Variants in COLEC12 observed in about 807,000 individuals in gnomAD.
The protein encoded by COLEC12 is collectin-12.
COLEC12 carries 33 observed loss-of-function variants against 71.1 expected under a neutral mutation model. The ratio of observed to expected loss-of-function variants is 0.46; its 90% confidence interval spans 0.35 to 0.62. The LOEUF is 0.62. COLEC12 is among the 20% of genes least tolerant of loss of function. The probability of loss-of-function intolerance (pLI) is 0.00; values close to 1 mark genes in which losing one functional copy is unlikely to be tolerated. For missense variants in COLEC12, 765 were observed against 916.1 expected (o/e 0.84, Z 2.13); for synonymous variants, 350 against 353.0 (o/e 0.99, Z 0.10).
At position 500,662 on chromosome 18, in the gene COLEC12, C is replaced by CCGG. The variant is rs1435241207; in HGVS notation, c.-151_-149dup. On this transcript the variant is annotated 5_prime_UTR_variant, in exon 1 of 10. Transcript: ENST00000400256. The surrounding 1 kb of genome is among the most constrained non-coding windows in gnomAD (Gnocchi z 5.3). ...GCGCCCCCGTCCTCCCTCGCCGCCG[C>CCGG]CGGCCCGCGCTCCCCGCGCTCCCGG... The CCGG allele has an allele frequency of 2.2e-6, 1 of 460,764 alleles. No homozygotes were observed. The highest frequency in any genetic ancestry group is 5.6e-5 in the Admixed American group (1 of 17,926). The allele number at this position is 460,764 out of a possible 1,614,324, so 28.5% of individuals were successfully genotyped here.
At chr18:397,033 T>C (rs1173719499) in intron 2 of COLEC12, among the ~76,000 whole-genome samples, 1 of 152,214 alleles carries the variant, frequency 6.6e-6, no homozygotes, top group Non-Finnish European at 1.5e-5. Flanking sequence ...TGGAACCAGA[T>C]CTTGGATGGA....
At chr18:412,991 T>C (rs576872692) in intron 2 of COLEC12, among the ~76,000 whole-genome samples, 1 of 152,266 alleles carries the variant, frequency 6.6e-6, no homozygotes, top group East Asian at 1.9e-4. Context: ...AGCATTACGA[T>C]TTAAAGATGG....
Position 334,929 on chromosome 18 carries a change from A to G in COLEC12, c.1629T>C (p.Pro543=). 1 of 1,561,592 alleles carries G rather than the reference A, an allele frequency of 6.4e-7. No individual in the cohort carries two copies. The highest frequency in any genetic ancestry group is 2.4e-5 in the East Asian group (1 of 41,904). Residue 543 remains proline, a synonymous_variant, in exon 6 of 10, where the codon CCT becomes CCC. Coordinates refer to ENST00000400256, the MANE Select transcript of COLEC12 (RefSeq NM_130386.3). The part of the protein sequence containing the change: ...GKEGLPGPQG[P]PGFQGLQGTV... ...TGCCCTGAAGTCCCTGGAAGCCAGG[A>G]GGGCCCTGAGGGCCGGGGAGTCCCT...
intron 3 of COLEC12, among the ~76,000 whole-genome samples, chr18:352,909 G>C (rs1376634145): frequency 6.6e-6 from 1 of 152,166 alleles, no homozygotes; most frequent in Non-Finnish European, 1.5e-5. Context: ...TACACAGAAG[G>C]GTGACCAGCA....
At chr18:489,764 T>C (rs921625099) in intron 1 of COLEC12, among the ~76,000 whole-genome samples, 6 of 152,166 alleles carry the variant, frequency 3.9e-5, no homozygotes, top group Admixed American at 1.3e-4. Context: ...ACGCTGTAAC[T>C]GTATTAGAAA....
At chr18:448,203 G>T (rs1243708339) in intron 2 of COLEC12, among the ~76,000 whole-genome samples, 3 of 152,134 alleles carry the variant, frequency 2.0e-5, no homozygotes, top group Non-Finnish European at 4.4e-5. Context: ...TAACCACTTT[G>T]TCATCATCGT....
intron 2 of COLEC12, among the ~76,000 whole-genome samples, chr18:436,525 A>AGGGGGGGG (rs10547166): frequency 1.0e-5 from 1 of 98,924 alleles, no homozygotes; most frequent in African/African-American, 4.2e-5. Flanking sequence ...CAAAAAAAAA[A>AGGGGGGGG]GGGGGGGGGG....
chr18:369,265 A>G (rs1288661237), intron 2 of COLEC12, among the ~76,000 whole-genome samples: 1 of 152,200 alleles, frequency 6.6e-6, no homozygotes, highest in Non-Finnish European at 1.5e-5. Context: ...CATTGCATTT[A>G]AACAAGTAAA....
intron 2 of COLEC12, among the ~76,000 whole-genome samples, chr18:476,829 C>G (rs573779220): frequency 1.3e-5 from 2 of 152,324 alleles, no homozygotes; most frequent in South Asian, 4.1e-4. Flanking sequence ...AAAATGAACT[C>G]TGCCAAATTG....
chr18:369,220 A>G (rs1914939256), intron 2 of COLEC12, among the ~76,000 whole-genome samples: 1 of 152,012 alleles, frequency 6.6e-6, no homozygotes, highest in African/African-American at 2.4e-5. Context: ...GCATTTAAAC[A>G]AGTAAAGAGC....
chr18:383,665 C>T (rs1365175316), intron 2 of COLEC12, among the ~76,000 whole-genome samples: 2 of 152,192 alleles, frequency 1.3e-5, no homozygotes, highest in Non-Finnish European at 2.9e-5. Flanking sequence ...TAACTGCCCC[C>T]TACCCACTCC....
chr18:423,026 G>T (rs2621199), intron 2 of COLEC12, among the ~76,000 whole-genome samples: 103,763 of 152,152 alleles, frequency 0.68, 36,289 homozygotes, highest in East Asian at 1. Flanking sequence ...ATCCTAATAC[G>T]TTGGGAGGCC....
chr18:325,386 G>A (rs1290916531), intron 8 of COLEC12, among the ~76,000 whole-genome samples: 1 of 151,988 alleles, frequency 6.6e-6, no homozygotes, highest in Non-Finnish European at 1.5e-5. Flanking sequence ...AGTGCGTTTG[G>A]GGAGATTCTC....
At chr18:460,583 A>T (rs1344408567) in intron 2 of COLEC12, among the ~76,000 whole-genome samples, 2 of 152,200 alleles carry the variant, frequency 1.3e-5, no homozygotes, top group Non-Finnish European at 2.9e-5. Context: ...TTTACAAAAG[A>T]CAGTTGCTAA....
At chr18:417,424 T>C (rs1032060618) in intron 2 of COLEC12, among the ~76,000 whole-genome samples, 1 of 152,224 alleles carries the variant, frequency 6.6e-6, no homozygotes, top group Non-Finnish European at 1.5e-5. Flanking sequence ...ATGCAGTGCA[T>C]GACTATGTGT....
intron 2 of COLEC12, among the ~76,000 whole-genome samples, chr18:384,972 G>A (rs1338876977): frequency 1.3e-5 from 2 of 152,136 alleles, no homozygotes; most frequent in Non-Finnish European, 2.9e-5. Context: ...GCAATAAAAC[G>A]CAATCACAGT....
intron 1 of COLEC12, among the ~76,000 whole-genome samples, chr18:481,904 CTTTT>C (rs923148159): frequency 4.0e-5 from 6 of 149,808 alleles, no homozygotes; most frequent in Admixed American, 3.3e-4. Context: ...CTAAAGGACA[CTTTT>C]TTTTTTCTTT....
chr18:457,176 C>T (rs1916889686), intron 2 of COLEC12, among the ~76,000 whole-genome samples: 1 of 152,152 alleles, frequency 6.6e-6, no homozygotes. Flanking sequence ...TGACAAGGAG[C>T]AGCTTACCCT....
chr18:470,641 G>C (rs1917178375), intron 2 of COLEC12, among the ~76,000 whole-genome samples: 1 of 151,988 alleles, frequency 6.6e-6, no homozygotes, highest in Non-Finnish European at 1.5e-5. Flanking sequence ...TGTATTCCTA[G>C]CTACTCAGGA....
Sources: gnomAD v4.1 joint callset for allele counts (sites outside exome capture counted in the v4.1 genomes callset) on GRCh38, gnomAD v4.1.1 for gene constraint, Gnocchi (gnomAD v3.1) non-coding constraint, MANE v1.5 for transcripts, NCBI Gene and HGNC (gene_info 2026-07-23, HGNC 2026-07-21) for gene names.